The following PRKAG1 variants were observed in gnomAD, a reference collection of about 807,000 sequenced individuals.
PRKAG1 encodes protein kinase AMP-activated non-catalytic subunit gamma 1.
In PRKAG1, 27 loss-of-function variants were observed where a neutral mutation model predicts 48.2. The observed-to-expected ratio is 0.56, with a 90% confidence interval of 0.41 to 0.77. The LOEUF (loss-of-function observed/expected upper bound fraction) is 0.77, where lower values mean the gene tolerates loss of function less well. Ranked by LOEUF, PRKAG1 falls within the 30% of genes least tolerant of loss-of-function variation. PRKAG1 has a pLI of 0.00. For missense variants in PRKAG1, 287 were observed against 398.3 expected (o/e 0.72, Z 2.38); for synonymous variants, 130 against 147.7 (o/e 0.88, Z 0.87).
At chr12:49,017,049 A>G in intron 1 of PRKAG1, 1 of 440,146 alleles carries the variant, frequency 2.3e-6, no homozygotes, top group African/African-American at 2.1e-5. Flanking sequence ...CCTAGGTCCA[A>G]AGTAATTTTT....
chr12:49,005,585 G>T lies in PRKAG1; in HGVS notation c.169-42C>A. 1 of 1,613,982 alleles carries T rather than the reference G, an allele frequency of 6.2e-7. No homozygotes were observed. Among genetic ancestry groups the T allele is most frequent in the South Asian group, 1.1e-5 (1 of 91,060 alleles). Reference sequence around the variant, plus strand: ...AATAATCATAAAGGCAAATCCACAGGGGCAGGACTGTAAAAAAAGAACAGT... The same window carrying T: ...AATAATCATAAAGGCAAATCCACAGTGGCAGGACTGTAAAAAAAGAACAGT... On this transcript the variant is annotated intron_variant, in intron 3 of 11. Coordinates refer to ENST00000548065, the MANE Select transcript of PRKAG1 (RefSeq NM_002733.5). The surrounding 1 kb of genome is among the most constrained non-coding windows in gnomAD (Gnocchi z 4.1).
In PRKAG1 at chr12:49,003,864, C is replaced by A. The variant is rs1213028469; in HGVS notation, c.596G>T (p.Gly199Val). 6.2e-7 allele frequency: 1 copy of A among 1,613,962 alleles called. No homozygotes were observed. The highest frequency in any genetic ancestry group is 1.7e-5 in the Admixed American group (1 of 59,990). The change falls in exon 9 of 12, where the codon GGC (glycine) becomes GTC (valine). Residue 199 changes from glycine (G) to valine (V), a missense_variant. Gly to Val is a moderately radical substitution (Grantham distance 109). This residue lies in a region of PRKAG1 where 224 missense variants were observed against 344.3 expected (regional missense o/e 0.65). Transcript: ENST00000548065. ...MSKSLEELQI[G>V]TYANIAMVRT... ...AACCATAGCAATATTGGCATAGGTG[C>A]CAATCTGTAGCTCTTCCAGAGACTT...
rs762109977 is a variant in PRKAG1, at chr12:49,018,753, C to T, written c.-13G>A. The stretch of plus-strand genomic sequence containing the variant: ...TCACCGTCTCCATTGCAAGAGGCGC[C>T]CGGCTTGGTTTCCTCGCTTTAGGAA... On this transcript the variant is annotated 5_prime_UTR_variant, in exon 1 of 12. Coordinates refer to ENST00000548065, the MANE Select transcript of PRKAG1 (RefSeq NM_002733.5). The T allele has an allele frequency of 1.9e-6, 3 of 1,612,780 alleles. No individual in the cohort carries two copies. The East Asian group carries it at 6.7e-5, about 36-fold the overall frequency.
At chr12:49,003,467 T>C in intron 10 of PRKAG1, 91 bp downstream of exon 10, 1 of 1,560,762 alleles carries the variant, frequency 6.4e-7, no homozygotes, top group South Asian at 1.1e-5. Flanking sequence ...GACCCTTAGA[T>C]CACAGAAGAG....
At chr12:49,004,808 AG>A in intron 7 of PRKAG1, 155 bp downstream of exon 7, 4 of 1,202,332 alleles carry the variant, frequency 3.3e-6, no homozygotes, top group Non-Finnish European at 4.7e-6. Flanking sequence ...AGAGAGAGAG[AG>A]AGACTGTGTG....
Position 49,002,921 on chromosome 12 carries a change from G to A in PRKAG1, c.974C>T (p.Thr325Ile). The A allele has an allele frequency of 6.2e-7, 1 of 1,614,156 alleles. No homozygotes were observed. Among genetic ancestry groups the A allele is most frequent in the African/African-American group, 1.3e-5 (1 of 75,050 alleles). ...LSDILQALVL[T>I]GGEKKP ...AGCTCAGGGCTTCTTCTCTCCACCT[G>A]TGAGCACCAGGGCCTGCAGGATGTC... Residue 325 changes from threonine (T) to isoleucine (I), a missense_variant, in exon 12 of 12, where the codon ACA (threonine) becomes ATA (isoleucine). Coordinates refer to ENST00000548065, the MANE Select transcript of PRKAG1 (RefSeq NM_002733.5).
At chr12:49,009,802 A>G (rs1941686763) in intron 2 of PRKAG1, among the ~76,000 whole-genome samples, 1 of 151,908 alleles carries the variant, frequency 6.6e-6, no homozygotes, top group African/African-American at 2.4e-5. Flanking sequence ...TAGTACAGAC[A>G]GGGTTTCATC....
intron 2 of PRKAG1, among the ~76,000 whole-genome samples, chr12:49,011,249 C>G (rs957207547): frequency 6.6e-6 from 1 of 152,206 alleles, no homozygotes; most frequent in South Asian, 2.1e-4. Context: ...AAGATACATA[C>G]ACTACATTGA....
intron 8 of PRKAG1, 82 bp from the exon 9 acceptor site, chr12:49,004,004 T>C (rs1941412935): frequency 6.7e-7 from 1 of 1,501,854 alleles, no homozygotes; most frequent in Non-Finnish European, 8.9e-7. Flanking sequence ...ATATTAGAAA[T>C]AAGGGCTGGG....
At chr12:49,014,767 G>C (rs1452096317) in intron 1 of PRKAG1, among the ~76,000 whole-genome samples, 1 of 152,256 alleles carries the variant, frequency 6.6e-6, no homozygotes, top group Admixed American at 6.5e-5. Flanking sequence ...TGAGATTAGA[G>C]AGTGCTTTGA....
At position 49,013,111 on chromosome 12, in the gene PRKAG1, C is replaced by A; in HGVS notation, c.10-1G>T. 1.2e-6 allele frequency: 2 copies of A among 1,613,328 alleles called. 1 individual carries two copies. The highest frequency in any genetic ancestry group is 2.2e-5 in the South Asian group (2 of 91,060). On this transcript the variant is annotated splice_acceptor_variant, in intron 1 of 11. Transcript: ENST00000548065. LOFTEE classifies it high-confidence loss of function. The stretch of plus-strand genomic sequence containing the variant: ...CTGGGGAGCTATCTGAAGAAATGAC[C>A]TGGAGAGATAAGAAAACAGATTCAG...
At position 49,003,508 on chromosome 12, in the gene PRKAG1, GC is replaced by G. The variant is rs67579566; in HGVS notation, c.741+49del. 51,059 of 1,325,610 alleles carry G rather than the reference GC, an allele frequency of 0.039. 7,346 individuals are homozygous for G. The African/African-American group carries it at 0.46, about 12-fold the overall frequency. The allele number at this position is 1,325,610 out of a possible 1,614,324, so 82.1% of individuals were successfully genotyped here. A position where few individuals can be genotyped will look rare whatever the true frequency, so the allele number is the denominator to read the frequency against. On this transcript the variant is annotated intron_variant, in intron 10 of 11. Transcript: ENST00000548065. ...CTTCTCCCTCTCCATATTTAACAGT[GC>G]CCCCCCCCCACCACTTCCCTACCTC...
intron 1 of PRKAG1, among the ~76,000 whole-genome samples, chr12:49,015,567 T>C (rs147809984): frequency 1.1e-3 from 168 of 152,206 alleles, no homozygotes; most frequent in East Asian, 6.6e-3. Context: ...CACAACTGCA[T>C]ATGTGACTTT....
Sources: allele counts gnomAD v4.1 joint callset (sites outside exome capture counted in the v4.1 genomes callset), GRCh38; gene constraint gnomAD v4.1.1; regional missense constraint gnomAD v4.1.1; non-coding constraint Gnocchi (gnomAD v3.1); transcripts MANE v1.5; gene names NCBI Gene and HGNC (gene_info 2026-07-23, HGNC 2026-07-21).